ZNF12: variants seen among roughly 807,000 people sequenced by gnomAD.
ZNF12 encodes zinc finger protein 12.
ZNF12 carries 34 observed loss-of-function variants against 66.6 expected under a neutral mutation model. The ratio of observed to expected loss-of-function variants is 0.51; its 90% confidence interval spans 0.39 to 0.68. ZNF12 has a LOEUF of 0.68. Ranked by LOEUF, ZNF12 falls within the 30% of genes least tolerant of loss-of-function variation. The pLI is 0.00. For synonymous variants in ZNF12, 320 were observed against 278.9 expected, an observed-to-expected ratio of 1.15 and a Z score of -1.47; for missense variants, 697 against 826.9, an observed-to-expected ratio of 0.84 and a Z score of 1.93.
chr7:6,691,746 T>G lies in ZNF12; in HGVS notation c.1196A>C (p.His399Pro), dbSNP rs1239841817. The stretch of plus-strand genomic sequence containing the variant: ...TTTCACACCTGTGTGAATTTTCTGA[T>G]GGTCATTAAGTGCTGACTTCTGCGA... ...TFSQKSALND[H>P]QKIHTGVKLY... The change falls in exon 5 of 5, where the codon CAT (histidine) becomes CCT (proline). Residue 399 changes from histidine (H) to proline (P), a missense_variant. This residue lies in a region of ZNF12 where 401 missense variants were observed against 519.0 expected (regional missense o/e 0.77). Coordinates refer to ENST00000405858, the MANE Select transcript of ZNF12 (RefSeq NM_016265.4). The G allele has an allele frequency of 6.2e-7, 1 of 1,614,002 alleles. No individual in the cohort carries two copies. The highest frequency in any genetic ancestry group is 1.7e-5 in the Admixed American group (1 of 60,030).
rs1345255296 is a variant in ZNF12 at position 6,689,018 on chromosome 7, A to C, written c.*1830T>G. The C allele has an allele frequency of 6.6e-6, 1 of 152,644 alleles. No individual in the cohort carries two copies. The highest frequency in any genetic ancestry group is 1.5e-5 in the Non-Finnish European group (1 of 68,038). The allele number at this position is 152,644 out of a possible 1,614,324, so 9.5% of individuals were successfully genotyped here. ...CAAAATTTACAGAAAATAAATCTCT[A>C]TATCAACAGCTTAAAATAAATGACT... is the stretch of plus-strand genomic sequence containing the variant. On this transcript the variant is annotated 3_prime_UTR_variant, in exon 5 of 5. Transcript: ENST00000405858.
chr7:6,700,102 A>G (rs544158073), intron 2 of ZNF12, among the ~76,000 whole-genome samples: 1,848 of 151,612 alleles, frequency 0.012, 14 homozygotes, highest in Non-Finnish European at 0.019. Context: ...TGGCTAACAC[A>G]GTGAAACCCC....
At position 6,697,500 on chromosome 7, in the gene ZNF12, G is replaced by C. The variant is rs917586929; in HGVS notation, c.143-66C>G. ...TTGGCTTCAGGGTCTCTGTCATACA[G>C]GGAAAATTCCATTTGTGTCTTATCA... On this transcript the variant is annotated intron_variant, in intron 3 of 4. Transcript: ENST00000405858. The surrounding 1 kb of genome is among the most constrained non-coding windows in gnomAD (Gnocchi z 6.1). 11 of 1,543,666 alleles carry C rather than the reference G, an allele frequency of 7.1e-6. No individual in the cohort carries two copies. The South Asian group carries it at 1.3e-4, about 18-fold the overall frequency.
In ZNF12 at chr7:6,698,151, C is replaced by G. The variant is rs148146665; in HGVS notation, c.16-340G>C. ...CAGAACCCCAGGATGCACTCTGCTT[C>G]TTTGCACATTCTTCAATTTGCTTCT... On this transcript the variant is annotated intron_variant, in intron 2 of 4. Coordinates refer to ENST00000405858, the MANE Select transcript of ZNF12 (RefSeq NM_016265.4). The surrounding 1 kb of genome is among the most constrained non-coding windows in gnomAD (Gnocchi z 4.4). 13 of 478,258 alleles carry G rather than the reference C, an allele frequency of 2.7e-5. No individual in the cohort carries two copies. Among genetic ancestry groups the G allele is most frequent in the African/African-American group, 2.6e-4 (13 of 50,244 alleles). 29.6% of individuals were successfully genotyped at this position (478,258 alleles called of 1,614,324 possible).
In ZNF12 at chr7:6,689,101, T is replaced by C. The variant is rs1391768832; in HGVS notation, c.*1747A>G. 1 of 152,370 alleles carries C rather than the reference T, an allele frequency of 6.6e-6. No individual in the cohort carries two copies. The highest frequency in any genetic ancestry group is 1.5e-5 in the Non-Finnish European group (1 of 68,042). The allele number at this position is 152,370 out of a possible 1,614,324, so 9.4% of individuals were successfully genotyped here. ...CTATAAAGGTTTCAGTCTGTACCAATTAGAATGTCTTCAGTTATTAGTAAT... is the reference window on the plus strand; with the variant it reads ...CTATAAAGGTTTCAGTCTGTACCAACTAGAATGTCTTCAGTTATTAGTAAT... On this transcript the variant is annotated 3_prime_UTR_variant, in exon 5 of 5. Coordinates refer to ENST00000405858, the MANE Select transcript of ZNF12 (RefSeq NM_016265.4).
In ZNF12 at chr7:6,691,212, T is replaced by C. The variant is rs762640100; in HGVS notation, c.1730A>G (p.Tyr577Cys). The C allele has an allele frequency of 6.2e-7, 1 of 1,614,076 alleles. No individual in the cohort carries two copies. Among genetic ancestry groups the C allele is most frequent in the Non-Finnish European group, 8.5e-7 (1 of 1,179,980 alleles). Residue 577 changes from tyrosine to cysteine, a missense_variant, in exon 5 of 5, where the codon TAT (tyrosine) becomes TGT (cysteine). Transcript: ENST00000405858. ...GGTTTTCCCACATTCACTACATTCA[T>C]AGGGCTTCTCTCCTGAATGAATTCT... Reference protein sequence around the residue: ...HHRIHSGEKPYECSECGKTFC... With the variant: ...HHRIHSGEKPCECSECGKTFC...
chr7:6,697,608 C>G lies in ZNF12; in HGVS notation c.142+77G>C. ...AACAGATTACTCACATTCGTCCCAT[C>G]AAATTTTAAGTTAAAGTCATAAAAT... On this transcript the variant is annotated intron_variant, in intron 3 of 4. Transcript: ENST00000405858. This position sits in a 1 kb window ranked among gnomAD's most constrained non-coding sequence, Gnocchi z 6.1. The G allele has an allele frequency of 1.3e-6, 2 of 1,597,136 alleles. No homozygotes were observed. The highest frequency in any genetic ancestry group is 2.3e-5 in the South Asian group (2 of 88,586).
At position 6,692,387 on chromosome 7, in the gene ZNF12, T is replaced by G; in HGVS notation, c.555A>C (p.Pro185=). 2 of 1,612,646 alleles carry G rather than the reference T, an allele frequency of 1.2e-6. No homozygotes were observed. The highest frequency in any genetic ancestry group is 1.7e-6 in the Non-Finnish European group (2 of 1,179,222). ...LLHIKLEKTH[P]GDQAYEFNQN... ...GATTAAATTCATAAGCTTGATCTCC[T>G]GGATGAGTTTTCTCAAGCTTAATAT... Residue 185 remains proline (P), a synonymous_variant, in exon 5 of 5, where the codon CCA becomes CCC. Coordinates refer to ENST00000405858, the MANE Select transcript of ZNF12 (RefSeq NM_016265.4). This position sits in a 1 kb window ranked among gnomAD's most constrained non-coding sequence, Gnocchi z 5.1.
At position 6,692,288 on chromosome 7, in the gene ZNF12, T is replaced by C. The variant is rs1191917607; in HGVS notation, c.654A>G (p.Glu218=). Residue 218 remains glutamate (E), a synonymous_variant, in exon 5 of 5, where the codon GAA becomes GAG. Transcript: ENST00000405858. The surrounding 1 kb of genome is among the most constrained non-coding windows in gnomAD (Gnocchi z 5.1). The part of the protein sequence containing the change: ...QKIRILEKPF[E]YIECQKAFQK... ...GGAAGGCTTTCTGGCATTCAATATA[T>C]TCAAAAGGTTTCTCCAAAATACGAA... 2.4e-5 allele frequency: 39 copies of C among 1,611,674 alleles called. 1 individual carries two copies. The Admixed American group carries it at 6.4e-4, about 26-fold the overall frequency.
chr7:6,706,069 C>A (rs1233036339), intron 1 of ZNF12, among the ~76,000 whole-genome samples: 1 of 152,196 alleles, frequency 6.6e-6, no homozygotes, highest in Non-Finnish European at 1.5e-5. Context: ...AGAGATAGTT[C>A]CTGCAGGCTG....
At chr7:6,695,394 T>C (rs974383826) in intron 4 of ZNF12, among the ~76,000 whole-genome samples, 2 of 152,032 alleles carry the variant, frequency 1.3e-5, no homozygotes, top group Non-Finnish European at 2.9e-5. Flanking sequence ...TTCTTTTTTC[T>C]TTTTTTTGTA....
intron 1 of ZNF12, among the ~76,000 whole-genome samples, chr7:6,706,057 C>G (rs1008274934): frequency 6.6e-6 from 1 of 152,182 alleles, no homozygotes; most frequent in Non-Finnish European, 1.5e-5. Context: ...AATGAGGCAG[C>G]AAGAGATAGT....
Position 6,697,684 on chromosome 7 carries a change from C to A in ZNF12, c.142+1G>T, listed in dbSNP as rs780056291. 2 of 1,614,044 alleles carry A rather than the reference C, an allele frequency of 1.2e-6. No individual in the cohort carries two copies. Among genetic ancestry groups the A allele is most frequent in the Non-Finnish European group, 8.5e-7 (1 of 1,179,960 alleles). On this transcript the variant is annotated splice_donor_variant, in intron 3 of 4. Transcript: ENST00000405858. LOFTEE classifies it high-confidence loss of function. This position sits in a 1 kb window ranked among gnomAD's most constrained non-coding sequence, Gnocchi z 6.1. ...CAACTGAGAAAGCAAGCTATCCTCA[C>A]CCACAGAAACTAGATTGCTGTAGTT...
At chr7:6,706,221 G>T (rs1203540296) in intron 1 of ZNF12, among the ~76,000 whole-genome samples, 5 of 152,172 alleles carry the variant, frequency 3.3e-5, no homozygotes, top group Non-Finnish European at 4.4e-5. Flanking sequence ...CTGGGGTGAG[G>T]GGGGAGTGGA....
At chr7:6,700,302 T>TACACACACACAC (rs780908025) in intron 2 of ZNF12, among the ~76,000 whole-genome samples, 4 of 83,874 alleles carry the variant, frequency 4.8e-5, no homozygotes, top group African/African-American at 2.2e-4. Context: ...AAAAAAAAAA[T>TACACACACACAC]ATACACACAC....
At chr7:6,702,500 A>C (rs1332322737) in intron 2 of ZNF12, among the ~76,000 whole-genome samples, 13 of 94,266 alleles carry the variant, frequency 1.4e-4, no homozygotes, top group South Asian at 3.7e-4. Flanking sequence ...ACACACACAC[A>C]CACACACAGA....
At chr7:6,695,952 T>G (rs1780147691) in intron 4 of ZNF12, among the ~76,000 whole-genome samples, 1 of 152,226 alleles carries the variant, frequency 6.6e-6, no homozygotes, top group Non-Finnish European at 1.5e-5. Flanking sequence ...AAACGGAGTT[T>G]AGTCAGAGTT....
intron 4 of ZNF12, among the ~76,000 whole-genome samples, chr7:6,693,543 T>C (rs1780106628): frequency 6.6e-6 from 1 of 152,218 alleles, no homozygotes; most frequent in Admixed American, 6.5e-5. Flanking sequence ...CTTGTTCCTA[T>C]TTGAACAGTA....
At position 6,706,564 on chromosome 7, in the gene ZNF12, C is replaced by T. The variant is rs759745704; in HGVS notation, c.-183G>A. ...AAGGCCGTTCTGCTCCAGAGGGGCC[C>T]GGGCCGGGCCTACGGGACAAATCCA... On this transcript the variant is annotated 5_prime_UTR_variant, in exon 1 of 5. Transcript: ENST00000405858. 1 of 466,212 alleles carries T rather than the reference C, an allele frequency of 2.1e-6. No individual in the cohort carries two copies. The highest frequency in any genetic ancestry group is 4.3e-6 in the Non-Finnish European group (1 of 234,010). 28.9% of individuals were successfully genotyped at this position (466,212 alleles called of 1,614,324 possible).
Sources: gnomAD v4.1 joint callset for allele counts (sites outside exome capture counted in the v4.1 genomes callset) on GRCh38, gnomAD v4.1.1 for gene constraint, gnomAD v4.1.1 regional missense constraint, Gnocchi (gnomAD v3.1) non-coding constraint, MANE v1.5 for transcripts, NCBI Gene and HGNC (gene_info 2026-07-23, HGNC 2026-07-21) for gene names.